LOXHD1: variants seen among roughly 807,000 people sequenced by gnomAD.
LOXHD1 encodes lipoxygenase homology domain-containing protein 1.
In LOXHD1, 205 loss-of-function variants were observed where a neutral mutation model predicts 248.2. The ratio of observed to expected loss-of-function variants is 0.83; its 90% CI spans 0.74 to 0.93. The LOEUF (loss-of-function observed/expected upper bound fraction) is 0.93. Ranked by LOEUF, LOXHD1 falls within the 40% of genes least tolerant of loss-of-function variation. The pLI is 0.00. For synonymous variants in LOXHD1, 1,113 were observed against 1,162.8 expected (o/e 0.96, Z 0.87); for missense variants, 2,930 against 2,971.6 (o/e 0.99, Z 0.33).
Position 46,521,226 on chromosome 18 carries a change from C to G in LOXHD1, c.5142G>C (p.Leu1714Phe), listed in dbSNP as rs2035564482. The G allele has an allele frequency of 6.4e-7, 1 of 1,551,594 alleles. No homozygotes were observed. Among genetic ancestry groups the G allele is most frequent in the Non-Finnish European group, 8.7e-7 (1 of 1,146,998 alleles). Reference sequence around the variant, plus strand: ...ACTTGGTGCCCTGGGTGGGCACTGCCAAACACAACTCTTCCACCAGCCAGC... The same window carrying G: ...ACTTGGTGCCCTGGGTGGGCACTGCGAAACACAACTCTTCCACCAGCCAGC... ...ESCWLVEELC[L>F]AVPTQGTKYM... Residue 1714 changes from leucine to phenylalanine, a missense_variant, in exon 33 of 41, where the codon TTG (leucine) becomes TTC (phenylalanine). By Grantham distance (22) the Leu-to-Phe change is conservative. Transcript: ENST00000642948.
rs1391783375 is a variant in LOXHD1 at position 46,566,294 on chromosome 18, C to T, written c.2400G>A (p.Val800=). Residue 800 remains valine (V), a synonymous_variant, in exon 17 of 41, where the codon GTG becomes GTA. Coordinates refer to ENST00000642948, the MANE Select transcript of LOXHD1 (RefSeq NM_001384474.1). Reference sequence around the variant, plus strand: ...CCACCACCTCGCTGGGATACAGCTCCACCTCCAGGCGCCCGTCAGCCTGGT... The same window carrying T: ...CCACCACCTCGCTGGGATACAGCTCTACCTCCAGGCGCCCGTCAGCCTGGT... The part of the protein sequence containing the change: ...DKNQADGRLE[V]ELYPSEVVEI... The T allele has an allele frequency of 6.4e-7, 1 of 1,551,706 alleles. No individual in the cohort carries two copies. Among genetic ancestry groups the T allele is most frequent in the Non-Finnish European group, 8.7e-7 (1 of 1,146,926 alleles).
At chr18:46,566,235 C>A (rs1425481057) in intron 17 of LOXHD1, 22 bp downstream of exon 17, 9 of 1,531,830 alleles carry the variant, frequency 5.9e-6, no homozygotes, top group Non-Finnish European at 7.9e-6. Context: ...AATGGGTGGT[C>A]CCACCACAGC....
Position 46,538,159 on chromosome 18 carries a change from T to C in LOXHD1, c.4092A>G (p.Val1364=). The change falls in exon 26 of 41, where the codon GTA becomes GTG. Residue 1364 remains valine (V), a synonymous_variant. Transcript: ENST00000642948. ...ACAGCCTGCTGAGCCCAAGTACCTC[T>C]ACGATGAAGCGGGAGGCAGACTTCC... The part of the protein sequence containing the change: ...FERKSASRFI[V]ELEDVGEIIE... 1 of 1,531,890 alleles carries C rather than the reference T, an allele frequency of 6.5e-7. No homozygotes were observed. The highest frequency in any genetic ancestry group is 8.8e-7 in the Non-Finnish European group (1 of 1,130,576). The allele number at this position is 1,531,890 out of a possible 1,614,324, so 94.9% of individuals were successfully genotyped here. A position where few individuals can be genotyped will look rare whatever the true frequency, so the allele number is the denominator to read the frequency against.
intron 26 of LOXHD1, among the ~76,000 whole-genome samples, chr18:46,535,425 G>C (rs1163685795): frequency 1.3e-5 from 2 of 152,070 alleles, no homozygotes; most frequent in Non-Finnish European, 2.9e-5. Flanking sequence ...TGTGTGCCAG[G>C]TGAGCCCCTG....
chr18:46,589,329 A>C (rs369063924), intron 12 of LOXHD1, among the ~76,000 whole-genome samples: 11 of 152,258 alleles, frequency 7.2e-5, no homozygotes, highest in African/African-American at 2.6e-4. Context: ...CTACCCAATA[A>C]ATACGAAGGG....
chr18:46,577,966 G>A (rs898334141), intron 13 of LOXHD1, 99 bp from the exon 14 acceptor site: 3 of 1,308,018 alleles, frequency 2.3e-6, no homozygotes, highest in Non-Finnish European at 1.1e-6. Flanking sequence ...ATCCAGAGCT[G>A]ATGGGTTAGG....
intron 8 of LOXHD1, among the ~76,000 whole-genome samples, chr18:46,597,656 T>C (rs936387605): frequency 6.6e-6 from 1 of 152,074 alleles, no homozygotes. Context: ...CAGTCTCTTT[T>C]AGGAAAGGAC....
At position 46,545,627 on chromosome 18, in the gene LOXHD1, C is replaced by CTTTTTTTTTTTT. The variant is rs56323729; in HGVS notation, c.3515-218_3515-207dup. 4.0e-3 allele frequency among the ~76,000 whole-genome samples: 367 copies of CTTTTTTTTTTTT among 92,206 alleles called. 21 individuals are homozygous for CTTTTTTTTTTTT. The highest frequency in any genetic ancestry group is 6.6e-3 in the African/African-American group (135 of 20,500). 60.5% of individuals were successfully genotyped at this position (92,206 alleles called of 152,430 possible). ...GTTTCTATGTTCCTCTTGGCCATTT[C>CTTTTTTTTTTTT]TTTTTTTTTTTTTTTTTTTTGAGAC... On this transcript the variant is annotated intron_variant, in intron 22 of 40. Coordinates refer to ENST00000642948, the MANE Select transcript of LOXHD1 (RefSeq NM_001384474.1).
intron 22 of LOXHD1, 76 bp downstream of exon 22, chr18:46,546,819 A>G (rs1190602957): frequency 1.4e-6 from 2 of 1,462,554 alleles, no homozygotes; most frequent in Non-Finnish European, 1.8e-6. Flanking sequence ...GGAGGGAAGG[A>G]AGATGGAGAC....
At chr18:46,593,999 C>T (rs537120125) in intron 9 of LOXHD1, among the ~76,000 whole-genome samples, 172 of 152,278 alleles carry the variant, frequency 1.1e-3, no homozygotes, top group African/African-American at 3.7e-3. Context: ...TGTTTTAAAT[C>T]GGGGAACGAG....
intron 33 of LOXHD1, among the ~76,000 whole-genome samples, chr18:46,520,014 C>T (rs745426930): frequency 3.3e-5 from 5 of 152,196 alleles, no homozygotes; most frequent in East Asian, 3.9e-4. Context: ...GTGTGCTGGG[C>T]GGTGGCACAG....
chr18:46,489,173 C>A (rs1364307903), intron 37 of LOXHD1, 31 bp from the exon 38 acceptor site: 1 of 1,550,316 alleles, frequency 6.5e-7, no homozygotes, highest in East Asian at 2.4e-5. Flanking sequence ...GGGTTGGAAG[C>A]TGGATGTGCC....
intron 12 of LOXHD1, among the ~76,000 whole-genome samples, chr18:46,584,165 C>T (rs2038016416): frequency 6.6e-6 from 1 of 151,310 alleles, no homozygotes; most frequent in African/African-American, 2.4e-5. Flanking sequence ...AGAGATAAGT[C>T]GATGTCATAG....
chr18:46,542,685 C>T (rs1330821131), intron 24 of LOXHD1, 42 bp downstream of exon 24: 2 of 1,550,484 alleles, frequency 1.3e-6, no homozygotes, highest in African/African-American at 1.4e-5. Flanking sequence ...TGTCCATGGT[C>T]CTTAAAGTCT....
chr18:46,550,434 G>A (rs796427178), intron 21 of LOXHD1, among the ~76,000 whole-genome samples: 51 of 151,462 alleles, frequency 3.4e-4, no homozygotes, highest in African/African-American at 8.7e-4. Context: ...TTAGCCGGGC[G>A]CGGTGGCGGG....
chr18:46,652,602 T>C (rs1219725084), intron 1 of LOXHD1, among the ~76,000 whole-genome samples: 1 of 152,214 alleles, frequency 6.6e-6, no homozygotes, highest in African/African-American at 2.4e-5. Context: ...CTCTCATACA[T>C]GTAAATTGAT....
chr18:46,494,849 C>CTTTTTTTTTTTTTTTTTTTTTTT (rs58016824), intron 37 of LOXHD1, among the ~76,000 whole-genome samples: 7 of 96,554 alleles, frequency 7.2e-5, no homozygotes, highest in South Asian at 3.9e-4. Flanking sequence ...TTCTCTCTCT[C>CTTTTTTTTTTTTTTTTTTTTTTT]TTTTTTTTTT....
At chr18:46,623,424 G>C (rs1962668002) in intron 4 of LOXHD1, among the ~76,000 whole-genome samples, 1 of 152,186 alleles carries the variant, frequency 6.6e-6, no homozygotes, top group African/African-American at 2.4e-5. Context: ...GTAGACCAGG[G>C]ATTAAGCTAA....
chr18:46,550,602 G>A (rs1477858150), intron 21 of LOXHD1, among the ~76,000 whole-genome samples: 108 of 67,398 alleles, frequency 1.6e-3, no homozygotes, highest in African/African-American at 3.2e-3. Context: ...AAAAAAAAAA[G>A]AGTCAGCGTG....
Sources: gnomAD v4.1 joint callset for allele counts (sites outside exome capture counted in the v4.1 genomes callset) on GRCh38, gnomAD v4.1.1 for gene constraint, MANE v1.5 for transcripts, NCBI Gene and HGNC (gene_info 2026-07-23, HGNC 2026-07-21) for gene names.